Variants in IGDCC4 observed in about 807,000 individuals in gnomAD.
IGDCC4 encodes immunoglobulin superfamily DCC subclass member 4.
Under a neutral mutation model 116.6 loss-of-function variants are expected in IGDCC4, and 72 were observed. The ratio of observed to expected loss-of-function variants is 0.62; its 90% CI spans 0.51 to 0.75. The LOEUF is 0.75. Ranked by LOEUF, IGDCC4 falls within the 30% of genes least tolerant of loss-of-function variation. IGDCC4 has a pLI of 0.00. For synonymous variants in IGDCC4, 709 were observed against 719.9 expected, an observed-to-expected ratio of 0.98 and a Z score of 0.24; for missense variants, 1,501 against 1,662.4, an observed-to-expected ratio of 0.90 and a Z score of 1.69.
At position 65,415,811 on chromosome 15, in the gene IGDCC4, C is replaced by T. The variant is rs192065646; in HGVS notation, c.71-4441G>A. ...CAGGAAGCGCATCCTTAGGGACTCACGTGCCAGCCCTTCTGTGAGGCTGCT... is the reference window on the plus strand; with the variant it reads ...CAGGAAGCGCATCCTTAGGGACTCATGTGCCAGCCCTTCTGTGAGGCTGCT... On this transcript the variant is annotated intron_variant, in intron 1 of 19. Coordinates refer to ENST00000352385, the MANE Select transcript of IGDCC4 (RefSeq NM_020962.3). 3.9e-5 allele frequency among the ~76,000 whole-genome samples: 6 copies of T among 152,314 alleles called. No homozygotes were observed. In the East Asian group the frequency reaches 9.6e-4, roughly 24 times the overall value.
chr15:65,420,163 T>G (rs1207867582), intron 1 of IGDCC4, among the ~76,000 whole-genome samples: 1 of 152,224 alleles, frequency 6.6e-6, no homozygotes, highest in African/African-American at 2.4e-5. Flanking sequence ...GCCAGGCTGG[T>G]GTTGAACTCC....
chr15:65,395,934 G>A lies in IGDCC4; in HGVS notation c.1227C>T (p.Asn409=), dbSNP rs1467111851. ...DAGYYQCVAE[N]SAGMACAAAS... ...CGGCAGCGCACGCCATTCCCGCGCT[G>A]TTCTCAGCCACGCACTGGTAGTAGC... Residue 409 remains asparagine, a synonymous_variant, in exon 7 of 20, where the codon AAC becomes AAT. Transcript: ENST00000352385. The A allele has an allele frequency of 6.3e-7, 1 of 1,591,766 alleles. No individual in the cohort carries two copies. The highest frequency in any genetic ancestry group is 1.7e-5 in the Admixed American group (1 of 59,428).
At chr15:65,398,582 A>G (rs2062950660) in intron 5 of IGDCC4, among the ~76,000 whole-genome samples, 1 of 149,444 alleles carries the variant, frequency 6.7e-6, no homozygotes, top group Non-Finnish European at 1.5e-5. Flanking sequence ...AGAGAGAGAG[A>G]AAGAAAACAA....
intron 4 of IGDCC4, 91 bp from the exon 5 acceptor site, chr15:65,401,037 G>C (rs2140216863): frequency 6.5e-7 from 1 of 1,528,524 alleles, no homozygotes; most frequent in African/African-American, 1.4e-5. Context: ...TGGTGAGGTG[G>C]TACCGGGGAC....
intron 18 of IGDCC4, 64 bp downstream of exon 18, chr15:65,385,767 T>G (rs1595774473): frequency 7.6e-7 from 1 of 1,322,530 alleles, no homozygotes; most frequent in Non-Finnish European, 1.1e-6. Context: ...TAGCCACGCG[T>G]TGTGCTCTGT....
rs2091412501 is a variant in IGDCC4, at chr15:65,382,660, A to G, written c.*1349T>C. ...CTTGAGGATTCAATTTAAAGAAAAA[A>G]CAAACTGAAATGAGCTACCCCTTTT... On this transcript the variant is annotated 3_prime_UTR_variant, in exon 20 of 20. Coordinates refer to ENST00000352385, the MANE Select transcript of IGDCC4 (RefSeq NM_020962.3). 2 of 152,370 alleles carry G rather than the reference A, an allele frequency of 1.3e-5. No individual in the cohort carries two copies. Among genetic ancestry groups the G allele is most frequent in the Admixed American group, 1.3e-4 (2 of 15,300 alleles). The allele number at this position is 152,370 out of a possible 1,614,324, so 9.4% of individuals were successfully genotyped here.
In IGDCC4 at chr15:65,385,938, G is replaced by A. The variant is rs2091452318; in HGVS notation, c.3073C>T (p.His1025Tyr). 3.7e-6 allele frequency: 6 copies of A among 1,610,260 alleles called. No individual in the cohort carries two copies. The highest frequency in any genetic ancestry group is 5.1e-6 in the Non-Finnish European group (6 of 1,178,578). Residue 1025 changes from histidine to tyrosine, a missense_variant, in exon 18 of 20, where the codon CAT becomes TAT. Physicochemically the swap from His to Tyr is moderately conservative, Grantham distance 83 (BLOSUM62 2). Coordinates refer to ENST00000352385, the MANE Select transcript of IGDCC4 (RefSeq NM_020962.3). ...GGTGGCGGGGACCAGTCCTGGGGAT[G>A]GGGGTGCACAAGGGACTCCAATTCA... ...AHELESLVHP[H>Y]PQDWSPPPSD...
At position 65,402,356 on chromosome 15, in the gene IGDCC4, T is replaced by G; in HGVS notation, c.695A>C (p.His232Pro). The change falls in exon 4 of 20, where the codon CAC becomes CCC. Residue 232 changes from histidine (H) to proline (P), a missense_variant. By Grantham distance (77) the His-to-Pro change is moderately conservative. Around this residue, in one of 3 missense-constraint regions of IGDCC4, gnomAD observed 898 missense variants for 978.9 expected, o/e 0.92. Transcript: ENST00000352385. ...FSQEALLSVAHRGSLASTRGQ... is the reference protein window; with the variant it reads ...FSQEALLSVAPRGSLASTRGQ... Reference sequence around the variant, plus strand: ...CACCCAGCCAGCCCCCTTACCTCTGTGGGCCACACTGAGTAGGGCCTCCTG... The same window carrying G: ...CACCCAGCCAGCCCCCTTACCTCTGGGGGCCACACTGAGTAGGGCCTCCTG... The G allele has an allele frequency of 6.4e-7, 1 of 1,567,646 alleles. No homozygotes were observed. Among genetic ancestry groups the G allele is most frequent in the African/African-American group, 1.4e-5 (1 of 74,018 alleles).
rs2062999766 is a variant in IGDCC4 at position 65,402,620 on chromosome 15, G to A, written c.564-133C>T. The A allele has an allele frequency of 6.6e-6, 8 of 1,220,518 alleles. No individual in the cohort carries two copies. In the African/African-American group the frequency reaches 1.1e-4, roughly 16 times the overall value. The allele number at this position is 1,220,518 out of a possible 1,614,324, so 75.6% of individuals were successfully genotyped here. On this transcript the variant is annotated intron_variant, in intron 3 of 19. Transcript: ENST00000352385. ...GCAGTGGCTCACGCCTATAATCCCA[G>A]CACTTTGGGAGGCGAGGCGGGCGAA... is the stretch of plus-strand genomic sequence containing the variant.
Position 65,385,711 on chromosome 15 carries a change from T to C in IGDCC4, c.3180+120A>G, listed in dbSNP as rs556006233. The C allele has an allele frequency of 4.5e-4, 377 of 842,502 alleles. No individual in the cohort carries two copies. The African/African-American group carries it at 5.2e-3, about 12-fold the overall frequency. 52.2% of individuals were successfully genotyped at this position (842,502 alleles called of 1,614,324 possible). On this transcript the variant is annotated intron_variant, in intron 18 of 19. Transcript: ENST00000352385. ...TTCCGTGGAGGAGGGAGAGAGGCCCTAGCGTCCGCAGCCGGCTCCGAAGAG... is the reference window on the plus strand; with the variant it reads ...TTCCGTGGAGGAGGGAGAGAGGCCCCAGCGTCCGCAGCCGGCTCCGAAGAG...
At chr15:65,411,515 A>C in intron 1 of IGDCC4, 145 bp from the exon 2 acceptor site, 1 of 638,668 alleles carries the variant, frequency 1.6e-6, no homozygotes. Flanking sequence ...ACTAACTGTG[A>C]CCTTGGACAA....
rs1461201965 is a variant in IGDCC4, at chr15:65,394,463, C to T, written c.1662G>A (p.Leu554=). The T allele has an allele frequency of 6.2e-7, 1 of 1,614,088 alleles. No homozygotes were observed. The highest frequency in any genetic ancestry group is 1.1e-5 in the South Asian group (1 of 91,082). ...RVAWLPLPPS[L]SNGQVVKYKI... is the part of the protein sequence containing the mutation. ...TGTACTTCACCACCTGCCCATTGCTCAGGCTGGGGGGCAGGGGCAGCCACG... is the reference window on the plus strand; with the variant it reads ...TGTACTTCACCACCTGCCCATTGCTTAGGCTGGGGGGCAGGGGCAGCCACG... Residue 554 remains leucine, a synonymous_variant, in exon 9 of 20, where the codon CTG becomes CTA. Coordinates refer to ENST00000352385, the MANE Select transcript of IGDCC4 (RefSeq NM_020962.3).
At chr15:65,422,677 C>T (rs1158594583) in intron 1 of IGDCC4, 116 bp downstream of exon 1, 61 of 815,412 alleles carry the variant, frequency 7.5e-5, no homozygotes, top group Non-Finnish European at 9.1e-5. Flanking sequence ...GGACGCGCAG[C>T]CCCCGCACTT....
chr15:65,388,426 C>A, intron 16 of IGDCC4, 23 bp downstream of exon 16: 1 of 1,613,756 alleles, frequency 6.2e-7, no homozygotes, highest in Non-Finnish European at 8.5e-7. Flanking sequence ...TCCAGGGAAA[C>A]CTGGGCTGCC....
In IGDCC4 at chr15:65,389,492, A is replaced by G; in HGVS notation, c.2409-81T>C. On this transcript the variant is annotated intron_variant, in intron 13 of 19. Transcript: ENST00000352385. ...GACTCCTCCAAATCTACTCCCCTGC[A>G]GTCAGCCCCAGCCCCAGGCTCTACC... The G allele has an allele frequency of 5.7e-6, 9 of 1,589,218 alleles. No homozygotes were observed. The South Asian group carries it at 1.0e-4, about 18-fold the overall frequency.
chr15:65,381,517 G>A lies in IGDCC4; in HGVS notation c.*2492C>T, dbSNP rs542961915. The A allele has an allele frequency of 1.2e-4, 19 of 152,186 alleles. No homozygotes were observed. The highest frequency in any genetic ancestry group is 3.6e-4 in the African/African-American group (15 of 41,508). 9.4% of individuals were successfully genotyped at this position (152,186 alleles called of 1,614,324 possible). ...AAATAGTTTATTAATTCATTATAAGGACAGATACATGAATCAATGCCTTAG... is the reference window on the plus strand; with the variant it reads ...AAATAGTTTATTAATTCATTATAAGAACAGATACATGAATCAATGCCTTAG... On this transcript the variant is annotated 3_prime_UTR_variant, in exon 20 of 20. Coordinates refer to ENST00000352385, the MANE Select transcript of IGDCC4 (RefSeq NM_020962.3).
At chr15:65,399,588 G>C (rs991799784) in intron 5 of IGDCC4, among the ~76,000 whole-genome samples, 1 of 152,048 alleles carries the variant, frequency 6.6e-6, no homozygotes, top group East Asian at 1.9e-4. Context: ...GAACTTCTAG[G>C]TGATACCACA....
At chr15:65,403,365 G>A (rs925154495) in intron 3 of IGDCC4, among the ~76,000 whole-genome samples, 5 of 152,168 alleles carry the variant, frequency 3.3e-5, no homozygotes, top group African/African-American at 9.7e-5. Flanking sequence ...GGTTGTCTCT[G>A]GGGAGGGGAC....
rs754886408 is a variant in IGDCC4 at position 65,393,115 on chromosome 15, A to T, written c.1885+246T>A. On this transcript the variant is annotated intron_variant, in intron 10 of 19. Coordinates refer to ENST00000352385, the MANE Select transcript of IGDCC4 (RefSeq NM_020962.3). The surrounding 1 kb of genome is among the most constrained non-coding windows in gnomAD (Gnocchi z 4.6). Reference sequence around the variant, plus strand: ...TAGTTACAATACATTATTCAACCTCATGCCATTCCTGGGCAGTAAATGAAG... The same window carrying T: ...TAGTTACAATACATTATTCAACCTCTTGCCATTCCTGGGCAGTAAATGAAG... Among the ~76,000 whole-genome samples, 1 of 152,186 alleles carries T rather than the reference A, an allele frequency of 6.6e-6. No individual in the cohort carries two copies. Among genetic ancestry groups the T allele is most frequent in the African/African-American group, 2.4e-5 (1 of 41,438 alleles).
Sources: gnomAD v4.1 joint callset for allele counts (sites outside exome capture counted in the v4.1 genomes callset) on GRCh38, gnomAD v4.1.1 for gene constraint, gnomAD v4.1.1 regional missense constraint, Gnocchi (gnomAD v3.1) non-coding constraint, MANE v1.5 for transcripts, NCBI Gene and HGNC (gene_info 2026-07-23, HGNC 2026-07-21) for gene names.